CREB5: variants seen among roughly 807,000 people sequenced by gnomAD.
CREB5 encodes cyclic AMP-responsive element-binding protein 5.
In CREB5, 19 loss-of-function variants were observed where a neutral mutation model predicts 57.1. That is an observed-to-expected ratio of 0.33 (90% CI 0.23 to 0.49). The LOEUF (loss-of-function observed/expected upper bound fraction) is 0.49. Ranked by LOEUF, CREB5 falls within the 20% of genes least tolerant of loss-of-function variation. The pLI, the probability that CREB5 is intolerant of heterozygous loss-of-function variation, is 0.99. For synonymous variants in CREB5, 238 were observed against 238.3 expected, an observed-to-expected ratio of 1.00 and a Z score of 0.01; for missense variants, 579 against 671.6, an observed-to-expected ratio of 0.86 and a Z score of 1.52.
At chr7:28,461,016 C>T (rs181227735) in intron 1 of CREB5, among the ~76,000 whole-genome samples, 40 of 151,924 alleles carry the variant, frequency 2.6e-4, no homozygotes, top group Non-Finnish European at 4.4e-4. Flanking sequence ...CAGTGAGACT[C>T]GCATCCCCTC....
At chr7:28,450,201 G>A (rs1245110511) in intron 1 of CREB5, among the ~76,000 whole-genome samples, 1 of 152,188 alleles carries the variant, frequency 6.6e-6, no homozygotes, top group Non-Finnish European at 1.5e-5. Context: ...GATGAATCCT[G>A]TTGTGACTGA....
chr7:28,587,566 T>A (rs1173471864), intron 5 of CREB5, among the ~76,000 whole-genome samples: 2 of 34,490 alleles, frequency 5.8e-5, no homozygotes, highest in Admixed American at 3.4e-4. Flanking sequence ...GGGGTGGGGG[T>A]GGGGGAGGAG....
At chr7:28,472,009 A>T (rs1011383) in intron 1 of CREB5, among the ~76,000 whole-genome samples, 123,969 of 152,056 alleles carry the variant, frequency 0.82, 50,527 homozygotes, top group Admixed American at 0.86. Flanking sequence ...ACATTTAAAA[A>T]AATTACTCAG....
At position 28,802,756 on chromosome 7, in the gene CREB5, A is replaced by C. The variant is rs549119985; in HGVS notation, c.703-1443A>C. 5.2e-5 allele frequency among the ~76,000 whole-genome samples: 8 copies of C among 152,390 alleles called. No individual in the cohort carries two copies. The East Asian group carries it at 1.3e-3, about 26-fold the overall frequency. On this transcript the variant is annotated intron_variant, in intron 7 of 10. Coordinates refer to ENST00000357727, the MANE Select transcript of CREB5 (RefSeq NM_182898.4). ...GCTGATTATCAACTGAATCTTTAGA[A>C]CGGGGTTAGCAAATGATGGCCCAAG...
At chr7:28,498,825 A>C (rs1182795610) in intron 3 of CREB5, among the ~76,000 whole-genome samples, 1 of 152,168 alleles carries the variant, frequency 6.6e-6, no homozygotes, top group African/African-American at 2.4e-5. Flanking sequence ...GCATTTCTAG[A>C]GCCCTAATGT....
At chr7:28,727,967 G>A (rs1803415726) in intron 7 of CREB5, among the ~76,000 whole-genome samples, 1 of 150,468 alleles carries the variant, frequency 6.6e-6, no homozygotes, top group Non-Finnish European at 1.5e-5. Context: ...TTTGTTTGAG[G>A]CAGGATCTCA....
At chr7:28,714,880 G>A (rs1802591693) in intron 5 of CREB5, among the ~76,000 whole-genome samples, 1 of 152,164 alleles carries the variant, frequency 6.6e-6, no homozygotes, top group African/African-American at 2.4e-5. Context: ...TTACCTAGAG[G>A]CATATGGTTA....
At chr7:28,392,697 A>T (rs1787246277) in intron 1 of CREB5, among the ~76,000 whole-genome samples, 2 of 152,140 alleles carry the variant, frequency 1.3e-5, no homozygotes, top group African/African-American at 4.8e-5. Flanking sequence ...GAGTGATCTG[A>T]TAGTTCATCT....
intron 1 of CREB5, among the ~76,000 whole-genome samples, chr7:28,344,852 G>A (rs1786010241): frequency 6.6e-6 from 1 of 152,026 alleles, no homozygotes; most frequent in Non-Finnish European, 1.5e-5. Context: ...AGAGAGCAGG[G>A]GTGGCTATAC....
chr7:28,495,129 G>A (rs1445427576), intron 3 of CREB5, 130 bp downstream of exon 3: 1 of 535,038 alleles, frequency 1.9e-6, no homozygotes, highest in Non-Finnish European at 3.2e-6. Flanking sequence ...CTAAGGTATA[G>A]CAGAAATATA....
intron 5 of CREB5, among the ~76,000 whole-genome samples, chr7:28,646,738 GT>G (rs765397571): frequency 7.9e-5 from 12 of 152,000 alleles, no homozygotes; most frequent in African/African-American, 2.4e-4. Flanking sequence ...ATTGGAATGT[GT>G]TTTTTTTAAT....
chr7:28,348,111 C>T (rs1031461044), intron 1 of CREB5, among the ~76,000 whole-genome samples: 6 of 152,164 alleles, frequency 3.9e-5, no homozygotes, highest in South Asian at 2.1e-4. Context: ...GTTATTCAGC[C>T]GAACACTCTC....
intron 5 of CREB5, among the ~76,000 whole-genome samples, chr7:28,674,274 A>G (rs1448695689): frequency 6.6e-6 from 1 of 152,170 alleles, no homozygotes; most frequent in Non-Finnish European, 1.5e-5. Flanking sequence ...CACTCAGCTG[A>G]GAGTGAGTTG....
At chr7:28,624,621 G>T (rs1165744900) in intron 5 of CREB5, among the ~76,000 whole-genome samples, 1 of 145,644 alleles carries the variant, frequency 6.9e-6, no homozygotes, top group Middle Eastern at 3.7e-3. Context: ...TGGTGTCTAA[G>T]TTGAACATTT....
At chr7:28,542,466 A>T (rs1794246473) in intron 4 of CREB5, among the ~76,000 whole-genome samples, 1 of 152,168 alleles carries the variant, frequency 6.6e-6, no homozygotes. Flanking sequence ...TTGCACCGTC[A>T]CTGTTATCTA....
intron 8 of CREB5, 96 bp downstream of exon 8, chr7:28,804,618 A>G: frequency 8.9e-6 from 13 of 1,455,362 alleles, no homozygotes; most frequent in Non-Finnish European, 1.2e-5. Flanking sequence ...TTGTTTGACA[A>G]GCCCAGGTGT....
At chr7:28,482,565 C>T (rs1258413601) in intron 1 of CREB5, among the ~76,000 whole-genome samples, 2 of 152,180 alleles carry the variant, frequency 1.3e-5, no homozygotes, top group African/African-American at 2.4e-5. Context: ...GTCCAGTTTC[C>T]TCCTCTAGAA....
chr7:28,476,295 A>T (rs1791066468), intron 1 of CREB5, among the ~76,000 whole-genome samples: 1 of 152,228 alleles, frequency 6.6e-6, no homozygotes, highest in South Asian at 2.1e-4. Flanking sequence ...TACCTTCAAC[A>T]TCCTTTGGAA....
intron 1 of CREB5, among the ~76,000 whole-genome samples, chr7:28,331,979 G>A (rs1446068833): frequency 1.3e-5 from 2 of 152,084 alleles, no homozygotes; most frequent in Non-Finnish European, 2.9e-5. Context: ...TAACTATTTG[G>A]GAAAAGAGTC....
Sources: gnomAD v4.1 joint callset for allele counts (sites outside exome capture counted in the v4.1 genomes callset) on GRCh38, gnomAD v4.1.1 for gene constraint, MANE v1.5 for transcripts, NCBI Gene and HGNC (gene_info 2026-07-23, HGNC 2026-07-21) for gene names.